ZFAND3: variants seen among roughly 807,000 people sequenced by gnomAD.
ZFAND3 encodes the protein AN1-type zinc finger protein 3.
Under a neutral mutation model 29.6 loss-of-function variants are expected in ZFAND3, and 10 were observed. The ratio of observed to expected loss-of-function variants is 0.34; its 90% CI spans 0.21 to 0.57. ZFAND3 has a LOEUF of 0.57. ZFAND3 is among the 20% of genes least tolerant of loss of function. The probability of loss-of-function intolerance (pLI) is 0.86; values close to 1 mark genes in which losing one functional copy is unlikely to be tolerated. For synonymous variants in ZFAND3, 128 were observed against 112.6 expected, an observed-to-expected ratio of 1.14 and a Z score of -0.87; for missense variants, 230 against 304.5, an observed-to-expected ratio of 0.76 and a Z score of 1.82.
At chr6:37,842,200 C>T (rs1462916678) in intron 1 of ZFAND3, among the ~76,000 whole-genome samples, 1 of 152,072 alleles carries the variant, frequency 6.6e-6, no homozygotes, top group African/African-American at 2.4e-5. Flanking sequence ...GGGAGGACAC[C>T]GACATTGAGA....
chr6:37,886,868 G>A (rs1241009875), intron 1 of ZFAND3, among the ~76,000 whole-genome samples: 1 of 152,158 alleles, frequency 6.6e-6, no homozygotes, highest in Non-Finnish European at 1.5e-5. Flanking sequence ...GCCAGGTGTG[G>A]TGGCACATGC....
intron 2 of ZFAND3, among the ~76,000 whole-genome samples, chr6:37,951,702 T>G (rs933454064): frequency 6.6e-6 from 1 of 152,254 alleles, no homozygotes; most frequent in African/African-American, 2.4e-5. Flanking sequence ...CTTGCCTGAT[T>G]GGTCTGGCTA....
intron 4 of ZFAND3, among the ~76,000 whole-genome samples, chr6:38,104,149 T>G (rs1229867976): frequency 6.6e-6 from 1 of 152,196 alleles, no homozygotes; most frequent in Non-Finnish European, 1.5e-5. Flanking sequence ...GACACCTCTT[T>G]GAGGAATTTA....
intron 1 of ZFAND3, among the ~76,000 whole-genome samples, chr6:37,838,593 G>A (rs1411438641): frequency 6.6e-6 from 1 of 152,146 alleles, no homozygotes; most frequent in East Asian, 1.9e-4. Context: ...ATGACCTTTT[G>A]TGTCCGGCTT....
chr6:38,120,604 G>A (rs1765515311), intron 5 of ZFAND3, among the ~76,000 whole-genome samples: 1 of 152,054 alleles, frequency 6.6e-6, no homozygotes, highest in South Asian at 2.1e-4. Flanking sequence ...AGGATTACAG[G>A]CATGATCCAC....
At chr6:37,982,670 A>T (rs1003454307) in intron 2 of ZFAND3, among the ~76,000 whole-genome samples, 3 of 152,250 alleles carry the variant, frequency 2.0e-5, no homozygotes, top group Non-Finnish European at 4.4e-5. Flanking sequence ...ATAGTGCTTG[A>T]TAATGACAAG....
At chr6:38,044,022 TA>T (rs1221250177) in intron 2 of ZFAND3, among the ~76,000 whole-genome samples, 2 of 151,828 alleles carry the variant, frequency 1.3e-5, no homozygotes, top group Non-Finnish European at 2.9e-5. Flanking sequence ...AATGACACAA[TA>T]AAAAAAATTC....
intron 1 of ZFAND3, among the ~76,000 whole-genome samples, chr6:37,843,501 AT>A (rs933952006): frequency 2.6e-5 from 4 of 152,034 alleles, no homozygotes; most frequent in Non-Finnish European, 2.9e-5. Flanking sequence ...AAAAAAAAAA[AT>A]GTGTTCCTGT....
intron 1 of ZFAND3, among the ~76,000 whole-genome samples, chr6:37,888,083 A>AT (rs1166399907): frequency 1.3e-5 from 2 of 152,040 alleles, no homozygotes; most frequent in Non-Finnish European, 2.9e-5. Context: ...GAAGTTAAGG[A>AT]TTTTTTTTCT....
intron 2 of ZFAND3, among the ~76,000 whole-genome samples, chr6:38,001,652 T>C (rs1353016293): frequency 6.6e-6 from 1 of 152,204 alleles, no homozygotes; most frequent in African/African-American, 2.4e-5. Flanking sequence ...ATTCATCCCT[T>C]GGTCATATGT....
At chr6:38,119,161 A>T (rs1315359790) in intron 5 of ZFAND3, among the ~76,000 whole-genome samples, 3 of 152,190 alleles carry the variant, frequency 2.0e-5, no homozygotes, top group Non-Finnish European at 4.4e-5. Flanking sequence ...AAGATGAAGG[A>T]CAACAATGGG....
At chr6:38,008,154 T>A (rs1304667371) in intron 2 of ZFAND3, among the ~76,000 whole-genome samples, 3 of 152,166 alleles carry the variant, frequency 2.0e-5, no homozygotes, top group Non-Finnish European at 4.4e-5. Flanking sequence ...CCTTATCTAA[T>A]TAACAAGTGT....
chr6:38,137,661 A>T (rs1765867867), intron 5 of ZFAND3, among the ~76,000 whole-genome samples: 1 of 152,158 alleles, frequency 6.6e-6, no homozygotes, highest in Admixed American at 6.5e-5. Flanking sequence ...TAATAAAATG[A>T]CAGTGTGATA....
chr6:37,959,069 G>T (rs1281458092), intron 2 of ZFAND3, among the ~76,000 whole-genome samples: 1 of 152,154 alleles, frequency 6.6e-6, no homozygotes, highest in Non-Finnish European at 1.5e-5. Context: ...AAGTCCTTGG[G>T]GTATAGAAGT....
intron 2 of ZFAND3, 89 bp downstream of exon 2, chr6:37,930,088 C>G (rs1310446649): frequency 1.5e-5 from 19 of 1,309,944 alleles, no homozygotes; most frequent in Non-Finnish European, 1.9e-5. Flanking sequence ...TCATTTGACC[C>G]TAAAGGATTT....
chr6:37,910,457 ATATTT>A (rs373743699), intron 1 of ZFAND3, among the ~76,000 whole-genome samples: 262 of 152,304 alleles, frequency 1.7e-3, no homozygotes, highest in African/African-American at 5.0e-3. Context: ...TTTAAAAAAA[ATATTT>A]TAATTAAGAC....
At chr6:37,887,900 A>T (rs143746154) in intron 1 of ZFAND3, among the ~76,000 whole-genome samples, 1 of 152,202 alleles carries the variant, frequency 6.6e-6, no homozygotes, top group Non-Finnish European at 1.5e-5. Flanking sequence ...TTACAAAGTC[A>T]TGCTATCTCA....
chr6:38,136,205 A>C (rs1233643331), intron 5 of ZFAND3, among the ~76,000 whole-genome samples: 2 of 152,186 alleles, frequency 1.3e-5, no homozygotes, highest in Non-Finnish European at 2.9e-5. Flanking sequence ...TTGCCTGTGG[A>C]AATGAGAGGC....
At chr6:37,871,548 A>G (rs1764695241) in intron 1 of ZFAND3, among the ~76,000 whole-genome samples, 1 of 152,218 alleles carries the variant, frequency 6.6e-6, no homozygotes, top group Non-Finnish European at 1.5e-5. Context: ...CAGAATTTAC[A>G]TAAGGTTTAT....
Sources: allele counts gnomAD v4.1 joint callset (sites outside exome capture counted in the v4.1 genomes callset), GRCh38; gene constraint gnomAD v4.1.1; transcripts MANE v1.5; gene names NCBI Gene and HGNC (gene_info 2026-07-23, HGNC 2026-07-21).